Variants in METTL25 observed in about 807,000 individuals in gnomAD.
The protein encoded by METTL25 is methyltransferase like 25, also known as probable methyltransferase-like protein 25.
Under a neutral mutation model 71.6 loss-of-function variants are expected in METTL25, and 64 were observed. The observed-to-expected ratio is 0.89, with a 90% confidence interval of 0.73 to 1.10. METTL25 has a LOEUF of 1.10. METTL25 is among the 50% of genes least tolerant of loss of function. The probability of loss-of-function intolerance (pLI) is 0.00; values close to 1 mark genes in which losing one functional copy is unlikely to be tolerated. For synonymous variants in METTL25, 287 were observed against 250.3 expected, an observed-to-expected ratio of 1.15 and a Z score of -1.38; for missense variants, 807 against 707.0, an observed-to-expected ratio of 1.14 and a Z score of -1.60.
chr12:82,454,649 A>G (rs1891361866), intron 8 of METTL25, among the ~76,000 whole-genome samples: 1 of 151,988 alleles, frequency 6.6e-6, no homozygotes, highest in Admixed American at 6.6e-5. Flanking sequence ...TGAAAGGGAA[A>G]ACTAAAACAA....
intron 8 of METTL25, among the ~76,000 whole-genome samples, chr12:82,441,750 CT>C (rs1190925612): frequency 6.9e-6 from 1 of 144,802 alleles, no homozygotes; most frequent in Admixed American, 7.0e-5. Context: ...GCGGGCAGGC[CT>C]AGAAAAACTT....
At chr12:82,465,041 A>T (rs1892137290) in intron 9 of METTL25, among the ~76,000 whole-genome samples, 3 of 151,894 alleles carry the variant, frequency 2.0e-5, no homozygotes, top group Admixed American at 1.3e-4. Context: ...AGATCATGTC[A>T]TCTGGAAAGA....
chr12:82,394,698 G>A (rs1399642202), intron 3 of METTL25, among the ~76,000 whole-genome samples: 1 of 151,908 alleles, frequency 6.6e-6, no homozygotes, highest in Non-Finnish European at 1.5e-5. Flanking sequence ...GGTTATGAGT[G>A]TATTTTAATG....
chr12:82,463,005 A>G (rs1891991286), intron 9 of METTL25, among the ~76,000 whole-genome samples: 1 of 152,098 alleles, frequency 6.6e-6, no homozygotes, highest in Non-Finnish European at 1.5e-5. Context: ...AATATATATT[A>G]TGTATAGTGA....
chr12:82,374,385 A>G (rs537092690), intron 1 of METTL25: 1 of 152,330 alleles, frequency 6.6e-6, no homozygotes, highest in Admixed American at 6.5e-5. Context: ...TTTACAGAGC[A>G]CTGATTGGTC....
chr12:82,461,724 G>A (rs1034234034), intron 9 of METTL25, among the ~76,000 whole-genome samples: 1 of 151,376 alleles, frequency 6.6e-6, no homozygotes, highest in Admixed American at 6.6e-5. Flanking sequence ...AAAAAATCAA[G>A]GAATGATGAA....
chr12:82,388,578 G>A (rs963259472), intron 2 of METTL25, among the ~76,000 whole-genome samples: 7 of 151,938 alleles, frequency 4.6e-5, no homozygotes, highest in Admixed American at 4.6e-4. Context: ...CTCCCCCAAT[G>A]TATAAAGTTT....
rs559607144 is a variant in METTL25, at chr12:82,380,404, C to T, written c.260-6399C>T. 7.0e-5 allele frequency among the ~76,000 whole-genome samples: 10 copies of T among 142,046 alleles called. No individual in the cohort carries two copies. The South Asian group carries it at 2.4e-3, about 34-fold the overall frequency. The allele number at this position is 142,046 out of a possible 152,430, so 93.2% of individuals were successfully genotyped here. On this transcript the variant is annotated intron_variant, in intron 1 of 11. Transcript: ENST00000248306. ...ATGTAACAAACCTGCACATGCATCC[C>T]GACCTTAAAAGTTTATATATGTATG...
At chr12:82,410,117 A>G (rs1887436097) in intron 5 of METTL25, among the ~76,000 whole-genome samples, 1 of 152,132 alleles carries the variant, frequency 6.6e-6, no homozygotes. Context: ...CGTGTTGAGC[A>G]CATCGTTTGA....
intron 5 of METTL25, among the ~76,000 whole-genome samples, chr12:82,428,875 T>C (rs1430229025): frequency 6.6e-6 from 1 of 151,866 alleles, no homozygotes; most frequent in Non-Finnish European, 1.5e-5. Flanking sequence ...TACAATAGTG[T>C]CTCAATGTTA....
At chr12:82,457,122 A>T (rs932550923) in intron 9 of METTL25, among the ~76,000 whole-genome samples, 5 of 152,040 alleles carry the variant, frequency 3.3e-5, no homozygotes, top group Non-Finnish European at 5.9e-5. Flanking sequence ...ATAGAAGTAA[A>T]GCAAGAGAGA....
At chr12:82,434,579 T>G in intron 6 of METTL25, 116 bp from the exon 7 acceptor site, 1 of 803,956 alleles carries the variant, frequency 1.2e-6, no homozygotes, top group South Asian at 1.5e-5. Context: ...TAAACTTACA[T>G]ATTATCACAT....
chr12:82,444,492 G>A (rs138548142), intron 8 of METTL25, among the ~76,000 whole-genome samples: 31 of 152,244 alleles, frequency 2.0e-4, no homozygotes, highest in African/African-American at 7.0e-4. Flanking sequence ...TAAGTACACA[G>A]ACAAAATTCC....
chr12:82,457,532 A>G (rs1391872220), intron 9 of METTL25, among the ~76,000 whole-genome samples: 1 of 152,018 alleles, frequency 6.6e-6, no homozygotes, highest in East Asian at 1.9e-4. Flanking sequence ...TATTTATTAT[A>G]TCAATTATTC....
At chr12:82,374,840 C>T (rs1883656069) in intron 1 of METTL25, among the ~76,000 whole-genome samples, 1 of 152,094 alleles carries the variant, frequency 6.6e-6, no homozygotes, top group African/African-American at 2.4e-5. Context: ...GTTTTGGAGG[C>T]TTGGCTGTTA....
chr12:82,465,339 T>G (rs1892157242), intron 9 of METTL25, among the ~76,000 whole-genome samples: 1 of 152,076 alleles, frequency 6.6e-6, no homozygotes, highest in Admixed American at 6.6e-5. Flanking sequence ...ATCAAATGCT[T>G]TTTCTACATC....
intron 5 of METTL25, chr12:82,407,911 A>AT: frequency 1.0e-6 from 1 of 984,742 alleles, no homozygotes; most frequent in South Asian, 4.7e-5. Flanking sequence ...CTCCATCTCC[A>AT]TTTTTCTCAC....
At chr12:82,445,352 G>C (rs1890662700) in intron 8 of METTL25, among the ~76,000 whole-genome samples, 1 of 152,022 alleles carries the variant, frequency 6.6e-6, no homozygotes, top group African/African-American at 2.4e-5. Flanking sequence ...ACTATTCACA[G>C]TCAAGAGAAA....
At chr12:82,434,640 T>C in intron 6 of METTL25, 55 bp from the exon 7 acceptor site, 1 of 740,276 alleles carries the variant, frequency 1.4e-6, no homozygotes, top group Non-Finnish European at 2.0e-6. Flanking sequence ...AGTGTGTTTA[T>C]AAATCTTATA....
Sources: allele counts gnomAD v4.1 joint callset (sites outside exome capture counted in the v4.1 genomes callset), GRCh38; gene constraint gnomAD v4.1.1; transcripts MANE v1.5; gene names NCBI Gene and HGNC (gene_info 2026-07-23, HGNC 2026-07-21).